Variants in TMEM231 observed in about 807,000 individuals in gnomAD.
TMEM231 encodes transmembrane protein 231.
A neutral mutation model predicts 38.5 loss-of-function variants in TMEM231; 40 were observed. The ratio of observed to expected loss-of-function variants is 1.04; its 90% CI spans 0.81 to 1.35. The LOEUF is 1.35. Among genes scored for constraint, TMEM231 ranks in the 40% most tolerant of loss-of-function variants. TMEM231 has a pLI of 0.00. For synonymous variants in TMEM231, 199 were observed against 181.7 expected (o/e 1.10, Z -0.77); for missense variants, 420 against 416.9 (o/e 1.01, Z -0.07).
At position 75,555,994 on chromosome 16, in the gene TMEM231, G is replaced by A. The variant is rs2080806399; in HGVS notation, c.140-21C>T. ...AAACCCTGAGTTAAAGAGGGCGGTA[G>A]GGAGGCGGTTAGGGAGGCCGGCCCT... On this transcript the variant is annotated intron_variant, in intron 1 of 6. Transcript: ENST00000258173. 25 of 1,594,110 alleles carry A rather than the reference G, an allele frequency of 1.6e-5. No individual in the cohort carries two copies. The highest frequency in any genetic ancestry group is 2.1e-5 in the Non-Finnish European group (25 of 1,170,318).
chr16:75,554,674 C>A (rs1209590531), intron 2 of TMEM231, among the ~76,000 whole-genome samples: 3 of 151,936 alleles, frequency 2.0e-5, no homozygotes, highest in African/African-American at 7.3e-5. Flanking sequence ...GATACATATA[C>A]AAAACTGAGC....
At chr16:75,548,937 T>C (rs1224311755) in intron 2 of TMEM231, among the ~76,000 whole-genome samples, 2 of 152,040 alleles carry the variant, frequency 1.3e-5, no homozygotes, top group African/African-American at 2.4e-5. Context: ...ACCCAACTTG[T>C]TGGAGTCCTG....
Position 75,554,999 on chromosome 16 carries a change from T to C in TMEM231, c.309+805A>G, listed in dbSNP as rs140633008. ...TTCTCCTCAGCTATACAAGGTTGGC[T>C]TGTAGGGCAATCATCTTAGATATGT... On this transcript the variant is annotated intron_variant, in intron 2 of 6. Transcript: ENST00000258173. The C allele has an allele frequency of 6.6e-5, 10 of 152,322 alleles. No individual in the cohort carries two copies. The East Asian group carries it at 1.9e-3, about 29-fold the overall frequency. 9.4% of individuals were successfully genotyped at this position (152,322 alleles called of 1,614,324 possible).
At chr16:75,547,074 G>T (rs2080701588) in intron 2 of TMEM231, among the ~76,000 whole-genome samples, 1 of 152,188 alleles carries the variant, frequency 6.6e-6, no homozygotes, top group South Asian at 2.1e-4. Flanking sequence ...CTAAAATGAT[G>T]ATCAGGAAAG....
At position 75,555,850 on chromosome 16, in the gene TMEM231, G is replaced by A. The variant is rs1309156955; in HGVS notation, c.263C>T (p.Ala88Val). The change falls in exon 2 of 7, where the codon GCC (alanine) becomes GTC (valine). Residue 88 changes from alanine to valine, a missense_variant. Coordinates refer to ENST00000258173, the MANE Select transcript of TMEM231 (RefSeq NM_001077418.3). The part of the protein sequence containing the change: ...DGFLAWSTFP[A>V]FNRLQGDRLR... ...GCGATCCCCTTGCAGCCGGTTGAAG[G>A]CGGGGAACGTGCTCCAGGCGAGGAA... The A allele has an allele frequency of 7.6e-6, 12 of 1,581,910 alleles. No homozygotes were observed. Among genetic ancestry groups the A allele is most frequent in the Non-Finnish European group, 1.0e-5 (12 of 1,164,340 alleles).
Position 75,555,944 on chromosome 16 carries a change from C to T in TMEM231, c.169G>A (p.Glu57Lys). Residue 57 changes from glutamate to lysine, a missense_variant, in exon 2 of 7, where the codon GAG (glutamate) becomes AAG (lysine). Coordinates refer to ENST00000258173, the MANE Select transcript of TMEM231 (RefSeq NM_001077418.3). The stretch of plus-strand genomic sequence containing the variant: ...TGTTGGAAGCGCACGGTCGGCTGCT[C>T]CTCGTAGCTGCTCCGCTTCAGCCAA... ...GFWLKRSSYEEQPTVRFQHQV... is the reference protein window; with the variant it reads ...GFWLKRSSYEKQPTVRFQHQV... 1.9e-6 allele frequency: 3 copies of T among 1,604,698 alleles called. No homozygotes were observed. Among genetic ancestry groups the T allele is most frequent in the Non-Finnish European group, 2.6e-6 (3 of 1,176,124 alleles).
At chr16:75,552,977 C>T (rs939202578) in intron 2 of TMEM231, among the ~76,000 whole-genome samples, 1 of 152,186 alleles carries the variant, frequency 6.6e-6, no homozygotes, top group Non-Finnish European at 1.5e-5. Context: ...AAAAGTCACT[C>T]TGCTTTTCTC....
intron 2 of TMEM231, among the ~76,000 whole-genome samples, chr16:75,553,336 G>C (rs1194818890): frequency 6.6e-6 from 1 of 152,200 alleles, no homozygotes; most frequent in Non-Finnish European, 1.5e-5. Flanking sequence ...CTTCAAAGCA[G>C]TGGCTCACAC....
intron 4 of TMEM231, among the ~76,000 whole-genome samples, chr16:75,543,327 G>A (rs1270629320): frequency 1.3e-5 from 2 of 152,156 alleles, no homozygotes; most frequent in Non-Finnish European, 2.9e-5. Flanking sequence ...AACACTTTGG[G>A]AAGCCCAGGC....
chr16:75,544,485 G>T (rs1474789353), intron 4 of TMEM231, among the ~76,000 whole-genome samples: 1 of 152,254 alleles, frequency 6.6e-6, no homozygotes, highest in Non-Finnish European at 1.5e-5. Context: ...GGGCTGGAAG[G>T]GAGCAAGCGG....
chr16:75,548,849 C>G (rs935548762), intron 2 of TMEM231, among the ~76,000 whole-genome samples: 1 of 152,184 alleles, frequency 6.6e-6, no homozygotes, highest in African/African-American at 2.4e-5. Context: ...AGCCTGGTGA[C>G]AGAGCAAGAC....
At chr16:75,540,252 G>A (rs1041262669) in intron 6 of TMEM231, 78 bp from the exon 7 acceptor site, 3 of 1,420,176 alleles carry the variant, frequency 2.1e-6, no homozygotes, top group African/African-American at 2.8e-5. Context: ...GGCTGTGGCA[G>A]AGGTATCTCG....
Position 75,539,692 on chromosome 16 carries a change from T to C in TMEM231, c.*302A>G, listed in dbSNP as rs2080597864. 1 of 258,792 alleles carries C rather than the reference T, an allele frequency of 3.9e-6. No individual in the cohort carries two copies. The highest frequency in any genetic ancestry group is 7.3e-6 in the Non-Finnish European group (1 of 137,704). The allele number at this position is 258,792 out of a possible 1,614,324, so 16.0% of individuals were successfully genotyped here. On this transcript the variant is annotated 3_prime_UTR_variant, in exon 7 of 7. Transcript: ENST00000258173. ...ACCAGAGATGGGACTCTTTCCAAGA[T>C]GTCTGAACTGACTGCAATTTTCTCC...
intron 2 of TMEM231, chr16:75,555,345 T>C (rs76768363): frequency 0.012 from 1,850 of 158,606 alleles, 44 homozygotes; most frequent in African/African-American, 0.041. Flanking sequence ...AGCGCCTTGG[T>C]TTCCAGGGGT....
At position 75,556,156 on chromosome 16, in the gene TMEM231, C is replaced by T. The variant is rs1436065452; in HGVS notation, c.54G>A (p.Gly18=). ...SHPVERSYRA[G]LCSKAALFLL... is the part of the protein sequence containing the mutation. ...GGAACAGCGCGGCTTTGGAGCAGAG[C>T]CCCGCGCGGTAACTGCGCTCGACCG... is the stretch of plus-strand genomic sequence containing the variant. Residue 18 remains glycine (G), a synonymous_variant, in exon 1 of 7, where the codon GGG becomes GGA. Coordinates refer to ENST00000258173, the MANE Select transcript of TMEM231 (RefSeq NM_001077418.3). The T allele has an allele frequency of 1.9e-5, 30 of 1,556,176 alleles. No individual in the cohort carries two copies. The highest frequency in any genetic ancestry group is 2.4e-5 in the Non-Finnish European group (28 of 1,154,088).
chr16:75,551,550 GA>G (rs2080761370), intron 2 of TMEM231, among the ~76,000 whole-genome samples: 1 of 152,098 alleles, frequency 6.6e-6, no homozygotes, highest in South Asian at 2.1e-4. Flanking sequence ...ACTGATAAAA[GA>G]AAAACATTTC....
chr16:75,554,024 C>G (rs1172425125), intron 2 of TMEM231, among the ~76,000 whole-genome samples: 1 of 152,138 alleles, frequency 6.6e-6, no homozygotes, highest in African/African-American at 2.4e-5. Context: ...CTCATTACCC[C>G]CAATAGAGTT....
At chr16:75,543,657 T>C (rs2080651746) in intron 4 of TMEM231, among the ~76,000 whole-genome samples, 1 of 152,168 alleles carries the variant, frequency 6.6e-6, no homozygotes, top group Non-Finnish European at 1.5e-5. Flanking sequence ...ATTTTCTTGG[T>C]CTTTTCTGGG....
intron 3 of TMEM231, 53 bp from the exon 4 acceptor site, chr16:75,545,548 T>G (rs886257837): frequency 7.5e-7 from 1 of 1,337,810 alleles, no homozygotes; most frequent in African/African-American, 1.7e-5. Flanking sequence ...TCTGAAGGGC[T>G]CTGGGTGCTA....
Sources: gnomAD v4.1 joint callset for allele counts (sites outside exome capture counted in the v4.1 genomes callset) on GRCh38, gnomAD v4.1.1 for gene constraint, MANE v1.5 for transcripts, NCBI Gene and HGNC (gene_info 2026-07-23, HGNC 2026-07-21) for gene names.